DHX35: variants seen among roughly 807,000 people sequenced by gnomAD.
DHX35 encodes probable ATP-dependent RNA helicase DHX35.
DHX35 carries 84 observed loss-of-function variants against 99.6 expected under a neutral mutation model. The ratio of observed to expected loss-of-function variants is 0.84; its 90% CI spans 0.71 to 1.01. The LOEUF (loss-of-function observed/expected upper bound fraction) is 1.01. Ranked by LOEUF, DHX35 falls within the 50% of genes least tolerant of loss-of-function variation. The probability of loss-of-function intolerance (pLI) is 0.00; values close to 1 mark genes in which losing one functional copy is unlikely to be tolerated. For synonymous variants in DHX35, 331 were observed against 316.2 expected (o/e 1.05, Z -0.50); for missense variants, 852 against 888.5 (o/e 0.96, Z 0.52).
At chr20:38,977,501 T>C (rs532504112) in intron 3 of DHX35, among the ~76,000 whole-genome samples, 1 of 152,204 alleles carries the variant, frequency 6.6e-6, no homozygotes. Flanking sequence ...CTCCCCACCA[T>C]TTCCATGTCT....
intron 16 of DHX35, 114 bp from the exon 17 acceptor site, chr20:39,023,576 C>A: frequency 2.1e-6 from 2 of 941,286 alleles, no homozygotes. Context: ...TGGTCTCGAA[C>A]TTCTGGGTTC....
intron 17 of DHX35, 119 bp from the exon 18 acceptor site, chr20:39,025,111 C>G (rs1330031607): frequency 8.0e-7 from 1 of 1,242,298 alleles, no homozygotes; most frequent in Non-Finnish European, 1.1e-6. Flanking sequence ...CAGTTCCCAT[C>G]TTTAGATCTT....
chr20:38,995,268 T>G (rs2086410959), intron 8 of DHX35, among the ~76,000 whole-genome samples: 1 of 152,244 alleles, frequency 6.6e-6, no homozygotes, highest in Non-Finnish European at 1.5e-5. Context: ...CTCACACCTG[T>G]AATCCCAGCA....
chr20:39,038,552 CACAGCT>C lies in DHX35; in HGVS notation c.*16_*21del. ...AGGTCCAGGACCCGTGAGAGGAGCC[CACAGCT>C]ACAGCTGCAGGGACTGCTGGCGTCC... On this transcript the variant is annotated 3_prime_UTR_variant, in exon 22 of 22. Coordinates refer to ENST00000252011, the MANE Select transcript of DHX35 (RefSeq NM_021931.4). 6.2e-7 allele frequency: 1 copy of C among 1,611,264 alleles called. No individual in the cohort carries two copies. Among genetic ancestry groups the C allele is most frequent in the South Asian group, 1.1e-5 (1 of 90,976 alleles).
intron 5 of DHX35, among the ~76,000 whole-genome samples, chr20:38,989,990 C>T (rs892419687): frequency 6.6e-6 from 1 of 152,144 alleles, no homozygotes; most frequent in Non-Finnish European, 1.5e-5. Flanking sequence ...AGCTGAATGA[C>T]CAATGTAGTG....
At chr20:39,009,624 G>T (rs536897790) in intron 12 of DHX35, among the ~76,000 whole-genome samples, 20 of 151,914 alleles carry the variant, frequency 1.3e-4, no homozygotes, top group Non-Finnish European at 2.8e-4. Context: ...TTCCTGCCTA[G>T]CTTTTATAAA....
At position 39,034,193 on chromosome 20, in the gene DHX35, T is replaced by A. The variant is rs1188242066; in HGVS notation, c.1956-13T>A. 1 of 1,203,046 alleles carries A rather than the reference T, an allele frequency of 8.3e-7. No individual in the cohort carries two copies. The highest frequency in any genetic ancestry group is 1.1e-6 in the Non-Finnish European group (1 of 891,480). 74.5% of individuals were successfully genotyped at this position (1,203,046 alleles called of 1,614,324 possible). ...AGAGGGGGAAATTAGCTCATGTTTC[T>A]TTCTCATTTCAGGGTCATCTATAAC... On this transcript the variant is annotated splice_polypyrimidine_tract_variant and intron_variant, in intron 20 of 21. Coordinates refer to ENST00000252011, the MANE Select transcript of DHX35 (RefSeq NM_021931.4).
rs1200860202 is a variant in DHX35, at chr20:39,033,594, G to C, written c.1956-612G>C. 5.3e-5 allele frequency among the ~76,000 whole-genome samples: 8 copies of C among 152,262 alleles called. No homozygotes were observed. In the East Asian group the frequency reaches 1.5e-3, roughly 29 times the overall value. On this transcript the variant is annotated intron_variant, in intron 20 of 21. Coordinates refer to ENST00000252011, the MANE Select transcript of DHX35 (RefSeq NM_021931.4). ...ATGGGAAGCCCTGAATTAACACTTTGGATGTTTCAGAAACTGATATCTACT... is the reference window on the plus strand; with the variant it reads ...ATGGGAAGCCCTGAATTAACACTTTCGATGTTTCAGAAACTGATATCTACT...
intron 1 of DHX35, among the ~76,000 whole-genome samples, chr20:38,963,307 G>A (rs551288344): frequency 2.0e-5 from 3 of 152,232 alleles, no homozygotes; most frequent in Non-Finnish European, 4.4e-5. Context: ...AGGTCTGGAT[G>A]TGCAAAGTAT....
chr20:39,002,046 C>T (rs535549646), intron 9 of DHX35, among the ~76,000 whole-genome samples: 56 of 152,170 alleles, frequency 3.7e-4, no homozygotes, highest in African/African-American at 1.3e-3. Context: ...TGCAAGTTTC[C>T]GTAAGTCTGT....
intron 8 of DHX35, among the ~76,000 whole-genome samples, chr20:38,999,760 A>G (rs2086489616): frequency 6.6e-6 from 1 of 152,116 alleles, no homozygotes; most frequent in African/African-American, 2.4e-5. Flanking sequence ...CGAATCTCTT[A>G]TTTCCTCTGC....
intron 20 of DHX35, among the ~76,000 whole-genome samples, chr20:39,033,067 C>T (rs1346380778): frequency 6.6e-6 from 1 of 151,968 alleles, no homozygotes; most frequent in Admixed American, 6.5e-5. Context: ...ATAGCCAGAC[C>T]TCAACTCTCA....
chr20:39,030,497 C>T (rs1418540977), intron 19 of DHX35: 9 of 559,922 alleles, frequency 1.6e-5, no homozygotes, highest in Admixed American at 3.3e-5. Context: ...TTCTCCTCTT[C>T]GCTTTTTCCA....
intron 10 of DHX35, 88 bp from the exon 11 acceptor site, chr20:39,003,661 A>G (rs1568739417): frequency 3.4e-6 from 5 of 1,492,322 alleles, no homozygotes; most frequent in Middle Eastern, 1.8e-4. Flanking sequence ...TAAAGTCCAG[A>G]TCCCAACTTT....
chr20:39,001,495 A>G (rs575570809), intron 8 of DHX35, among the ~76,000 whole-genome samples: 16 of 152,306 alleles, frequency 1.1e-4, no homozygotes, highest in African/African-American at 3.1e-4. Context: ...TCTAACCTTT[A>G]TTATTTTTAT....
chr20:38,983,731 A>G lies in DHX35; in HGVS notation c.300A>G (p.Gly100=). The G allele has an allele frequency of 6.2e-7, 1 of 1,614,078 alleles. No individual in the cohort carries two copies. Residue 100 remains glycine (G), a synonymous_variant, in exon 4 of 22, where the codon GGA becomes GGG. Transcript: ENST00000252011. ...YLAEAGWTAE[G]RVVGVTQPRR... is the part of the protein sequence containing the mutation. ...CAGAAGCCGGCTGGACAGCTGAAGGAAGAGTGGTAGGAGTGACCCAGCCTC... is the reference window on the plus strand; with the variant it reads ...CAGAAGCCGGCTGGACAGCTGAAGGGAGAGTGGTAGGAGTGACCCAGCCTC...
intron 12 of DHX35, among the ~76,000 whole-genome samples, chr20:39,007,264 C>T (rs1301558959): frequency 6.6e-6 from 1 of 152,174 alleles, no homozygotes; most frequent in Non-Finnish European, 1.5e-5. Context: ...TTGCAGAGCA[C>T]CTGCTGTATG....
chr20:38,975,035 T>C (rs1328433718), intron 3 of DHX35, among the ~76,000 whole-genome samples: 1 of 152,214 alleles, frequency 6.6e-6, no homozygotes, highest in Non-Finnish European at 1.5e-5. Flanking sequence ...TAACAATGTG[T>C]TGTTGACTGT....
chr20:39,000,076 C>G (rs897868587), intron 8 of DHX35, among the ~76,000 whole-genome samples: 2 of 152,228 alleles, frequency 1.3e-5, no homozygotes, highest in African/African-American at 4.8e-5. Context: ...CCTCTGTCCT[C>G]CCTTAGGGAC....
Sources: gnomAD v4.1 joint callset for allele counts (sites outside exome capture counted in the v4.1 genomes callset) on GRCh38, gnomAD v4.1.1 for gene constraint, MANE v1.5 for transcripts, NCBI Gene and HGNC (gene_info 2026-07-23, HGNC 2026-07-21) for gene names.